MALRD1: variants seen among roughly 807,000 people sequenced by gnomAD.
MALRD1 encodes the protein MAM and LDL receptor class A domain containing 1, also known as MAM and LDL-receptor class A domain-containing protein 1.
In MALRD1, 247 loss-of-function variants were observed where a neutral mutation model predicts 242.1. The observed-to-expected ratio is 1.02, with a 90% CI of 0.92 to 1.13. The LOEUF is 1.13. Ranked by LOEUF, MALRD1 falls within the 50% of genes most tolerant of loss-of-function variation. The pLI, the probability that MALRD1 is intolerant of heterozygous loss-of-function variation, is 0.00. For missense variants in MALRD1, 2,989 were observed against 2,533.1 expected (o/e 1.18, Z -3.86); for synonymous variants, 995 against 866.6 (o/e 1.15, Z -2.60).
At chr10:19,440,084 T>TGAG (rs1834549502) in intron 28 of MALRD1, among the ~76,000 whole-genome samples, 1 of 152,220 alleles carries the variant, frequency 6.6e-6, no homozygotes, top group African/African-American at 2.4e-5. Context: ...CCAACAAGCC[T>TGAG]GAGCATCTCC....
chr10:19,204,172 G>A (rs1419911809), intron 15 of MALRD1, 136 bp from the exon 16 acceptor site: 2 of 677,716 alleles, frequency 3.0e-6, no homozygotes, highest in Non-Finnish European at 5.0e-6. Flanking sequence ...TTGACTAAGA[G>A]TCACTGATTG....
intron 21 of MALRD1, among the ~76,000 whole-genome samples, chr10:19,316,709 G>C (rs576799127): frequency 6.6e-6 from 1 of 151,746 alleles, no homozygotes; most frequent in Non-Finnish European, 1.5e-5. Context: ...CTATTTGTGG[G>C]ATCTGGACAT....
chr10:19,568,690 A>T (rs201539313), intron 33 of MALRD1, among the ~76,000 whole-genome samples: 1 of 151,774 alleles, frequency 6.6e-6, no homozygotes. Flanking sequence ...ATAAGAAAAA[A>T]ATATATATTC....
chr10:19,475,179 GC>G (rs1836672195), intron 29 of MALRD1, among the ~76,000 whole-genome samples: 1 of 152,282 alleles, frequency 6.6e-6, no homozygotes, highest in South Asian at 2.1e-4. Flanking sequence ...ACTTTGGGAG[GC>G]CGAGGCGGGC....
chr10:19,332,462 T>C (rs903673603), intron 24 of MALRD1, among the ~76,000 whole-genome samples: 2 of 152,150 alleles, frequency 1.3e-5, no homozygotes, highest in Non-Finnish European at 2.9e-5. Context: ...AAATGCACCA[T>C]ATGTACTCAA....
At chr10:19,314,749 T>G (rs1016437224) in intron 21 of MALRD1, among the ~76,000 whole-genome samples, 2 of 151,450 alleles carry the variant, frequency 1.3e-5, no homozygotes, top group African/African-American at 2.4e-5. Context: ...AAGGTAGAGT[T>G]GAATAGTTAT....
intron 28 of MALRD1, among the ~76,000 whole-genome samples, chr10:19,399,115 G>A (rs960993318): frequency 6.6e-6 from 1 of 152,148 alleles, no homozygotes; most frequent in Non-Finnish European, 1.5e-5. Context: ...CAATATTGTG[G>A]CTTGTCTAGT....
At chr10:19,720,309 T>A (rs2131904170) in intron 38 of MALRD1, among the ~76,000 whole-genome samples, 1 of 152,324 alleles carries the variant, frequency 6.6e-6, no homozygotes, top group South Asian at 2.1e-4. Flanking sequence ...GCCTGGTGTT[T>A]GAAAAGTATT....
chr10:19,270,332 T>TCACACA (rs1198896770), intron 19 of MALRD1, among the ~76,000 whole-genome samples: 8 of 72,588 alleles, frequency 1.1e-4, no homozygotes, highest in East Asian at 4.0e-4. Context: ...TCTCTCTCTC[T>TCACACA]CTCTCACACA....
At chr10:19,695,117 A>T (rs1436928393) in intron 38 of MALRD1, among the ~76,000 whole-genome samples, 2 of 152,146 alleles carry the variant, frequency 1.3e-5, no homozygotes, top group African/African-American at 4.8e-5. Flanking sequence ...GATATACCCA[A>T]TGTAAATGAT....
chr10:19,189,721 C>T (rs751578518), intron 14 of MALRD1, among the ~76,000 whole-genome samples: 1 of 151,928 alleles, frequency 6.6e-6, no homozygotes, highest in Non-Finnish European at 1.5e-5. Flanking sequence ...CACGTGATCA[C>T]CTCAATTGAT....
intron 12 of MALRD1, among the ~76,000 whole-genome samples, chr10:19,159,326 G>GT (rs944298069): frequency 4.6e-5 from 7 of 151,734 alleles, no homozygotes; most frequent in Admixed American, 1.3e-4. Context: ...ATCTTAGCTT[G>GT]TTTTTTTTCT....
intron 29 of MALRD1, among the ~76,000 whole-genome samples, chr10:19,462,490 TTCTCCCTTCACTC>T (rs1394817265): frequency 6.6e-6 from 1 of 152,260 alleles, no homozygotes; most frequent in Non-Finnish European, 1.5e-5. Flanking sequence ...CAGTGAAGTG[TTCTCCCTTCACTC>T]AGGTTCTGTG....
intron 33 of MALRD1, among the ~76,000 whole-genome samples, chr10:19,576,276 A>G (rs1836821763): frequency 6.6e-6 from 1 of 152,218 alleles, no homozygotes; most frequent in Non-Finnish European, 1.5e-5. Context: ...TGGTTGGAGC[A>G]TACCACTTCC....
intron 36 of MALRD1, among the ~76,000 whole-genome samples, chr10:19,619,377 C>T (rs941196883): frequency 4.1e-4 from 62 of 150,654 alleles, no homozygotes; most frequent in African/African-American, 1.5e-3. Context: ...TTTTACAAAA[C>T]GACCTGTTGA....
intron 21 of MALRD1, among the ~76,000 whole-genome samples, chr10:19,317,095 T>C (rs1438091275): frequency 1.3e-5 from 2 of 151,512 alleles, no homozygotes; most frequent in Non-Finnish European, 2.9e-5. Context: ...AGAATGCTAG[T>C]ACTATTGAAC....
At chr10:19,371,699 T>A (rs1387700991) in intron 26 of MALRD1, among the ~76,000 whole-genome samples, 1 of 152,234 alleles carries the variant, frequency 6.6e-6, no homozygotes, top group African/African-American at 2.4e-5. Flanking sequence ...GTTCTATAAT[T>A]GTCTTTTTAA....
intron 28 of MALRD1, among the ~76,000 whole-genome samples, chr10:19,413,492 G>T (rs1250631271): frequency 6.6e-6 from 1 of 150,604 alleles, no homozygotes; most frequent in South Asian, 2.1e-4. Context: ...TTTGATTTAT[G>T]CTTTGAAAAC....
intron 26 of MALRD1, among the ~76,000 whole-genome samples, chr10:19,373,203 C>CAGAAAAAAAAAAAAAAAAAAAAAAAAAA (rs1845458786): frequency 8.7e-6 from 1 of 114,886 alleles, no homozygotes; most frequent in African/African-American, 3.4e-5. Flanking sequence ...ACGCTAAATA[C>CAGAAAAAAAAAAAAAAAAAAAAAAAAAA]AAAAAAAAAA....
Sources: allele counts gnomAD v4.1 joint callset (sites outside exome capture counted in the v4.1 genomes callset), GRCh38; gene constraint gnomAD v4.1.1; transcripts MANE v1.5; gene names NCBI Gene and HGNC (gene_info 2026-07-23, HGNC 2026-07-21).